NEGR1: variants seen among roughly 807,000 people sequenced by gnomAD.
NEGR1 encodes neuronal growth regulator 1, also known as IgLON family member 4.
In NEGR1, 10 loss-of-function variants were observed where a neutral mutation model predicts 40.9. The observed-to-expected ratio is 0.24, with a 90% CI of 0.15 to 0.42. The LOEUF is 0.42. NEGR1 is among the 10% of genes least tolerant of loss of function. The pLI is 1.00. For synonymous variants in NEGR1, 185 were observed against 166.8 expected (o/e 1.11, Z -0.84); for missense variants, 352 against 438.9 (o/e 0.80, Z 1.77).
At chr1:72,062,330 C>T (rs776454292) in intron 1 of NEGR1, among the ~76,000 whole-genome samples, 7 of 151,886 alleles carry the variant, frequency 4.6e-5, no homozygotes, top group Non-Finnish European at 7.4e-5. Context: ...ATTAATCACT[C>T]CTCATTCTAA....
At chr1:72,274,603 T>C (rs1655973503) in intron 1 of NEGR1, 1 of 787,944 alleles carries the variant, frequency 1.3e-6, no homozygotes, top group Admixed American at 1.7e-5. Context: ...CCCATACCTT[T>C]AACCACTCTA....
intron 1 of NEGR1, among the ~76,000 whole-genome samples, chr1:72,033,484 C>T (rs1218246854): frequency 6.6e-6 from 1 of 152,098 alleles, no homozygotes; most frequent in African/African-American, 2.4e-5. Context: ...TATGTATTTC[C>T]ATAAACGATG....
At chr1:71,475,761 T>G (rs962739387) in intron 6 of NEGR1, among the ~76,000 whole-genome samples, 1 of 152,138 alleles carries the variant, frequency 6.6e-6, no homozygotes, top group South Asian at 2.1e-4. Flanking sequence ...AGCTTAAAAT[T>G]TAGGTCAATT....
rs555240003 is a variant in NEGR1 at position 72,218,606 on chromosome 1, T to C, written c.176+63713A>G. 8.5e-5 allele frequency among the ~76,000 whole-genome samples: 13 copies of C among 152,110 alleles called. No individual in the cohort carries two copies. The South Asian group carries it at 2.7e-3, about 32-fold the overall frequency. On this transcript the variant is annotated intron_variant, in intron 1 of 6. Coordinates refer to ENST00000357731, the MANE Select transcript of NEGR1 (RefSeq NM_173808.3). ...CAATGAATATATGTTTCTTGAGTTA[T>C]AGGGAGTTGTTTTTTTTTCCTATGA...
intron 1 of NEGR1, among the ~76,000 whole-genome samples, chr1:72,247,979 C>T (rs1330478035): frequency 3.9e-5 from 6 of 152,002 alleles, no homozygotes; most frequent in Non-Finnish European, 8.8e-5. Flanking sequence ...AGGTGCATCA[C>T]GTGGTGAAAG....
chr1:71,953,766 G>T (rs552530696), intron 1 of NEGR1, among the ~76,000 whole-genome samples: 1 of 152,124 alleles, frequency 6.6e-6, no homozygotes, highest in East Asian at 1.9e-4. Context: ...CAAAGGACTT[G>T]TTGAAGGCTC....
chr1:72,158,207 C>A (rs1651431579), intron 1 of NEGR1, among the ~76,000 whole-genome samples: 1 of 152,126 alleles, frequency 6.6e-6, no homozygotes, highest in South Asian at 2.1e-4. Context: ...GGGCAGGTAA[C>A]TTGTCTGAAA....
At chr1:71,835,807 G>T (rs981059279) in intron 2 of NEGR1, among the ~76,000 whole-genome samples, 6 of 152,054 alleles carry the variant, frequency 3.9e-5, no homozygotes, top group African/African-American at 1.4e-4. Context: ...GTGCTAGGAG[G>T]TTTATCACTT....
At chr1:71,501,476 G>A (rs1244054275) in intron 6 of NEGR1, among the ~76,000 whole-genome samples, 1 of 152,080 alleles carries the variant, frequency 6.6e-6, no homozygotes, top group Non-Finnish European at 1.5e-5. Flanking sequence ...GTCCTGAATT[G>A]GGAAATGTTA....
chr1:71,448,410 C>T (rs1273959199), intron 6 of NEGR1, among the ~76,000 whole-genome samples: 1 of 152,048 alleles, frequency 6.6e-6, no homozygotes, highest in African/African-American at 2.4e-5. Context: ...ACCAGCCTGG[C>T]CAAGATGGCA....
At chr1:72,228,912 G>C (rs1288047402) in intron 1 of NEGR1, among the ~76,000 whole-genome samples, 1 of 152,054 alleles carries the variant, frequency 6.6e-6, no homozygotes, top group Non-Finnish European at 1.5e-5. Flanking sequence ...CATTTTCCTA[G>C]GAATACTGCT....
At chr1:71,937,962 C>A (rs910683427) in intron 1 of NEGR1, among the ~76,000 whole-genome samples, 10 of 151,898 alleles carry the variant, frequency 6.6e-5, no homozygotes, top group Admixed American at 6.6e-4. Context: ...TCAATTCTGG[C>A]ATGACATGGG....
chr1:71,481,557 C>T (rs1039322900), intron 6 of NEGR1, among the ~76,000 whole-genome samples: 1 of 151,818 alleles, frequency 6.6e-6, no homozygotes, highest in Non-Finnish European at 1.5e-5. Context: ...AATTCTTGAG[C>T]CAATTGGTGT....
At chr1:71,675,126 T>TATATATATATATATATATAC (rs145354058) in intron 4 of NEGR1, among the ~76,000 whole-genome samples, 62 of 77,820 alleles carry the variant, frequency 8.0e-4, no homozygotes, top group African/African-American at 2.3e-3. Context: ...TATATATATA[T>TATATATATATATATATATAC]ACACACACAC....
chr1:72,122,528 G>A (rs992566370), intron 1 of NEGR1, among the ~76,000 whole-genome samples: 13 of 151,836 alleles, frequency 8.6e-5, no homozygotes, highest in Non-Finnish European at 1.8e-4. Flanking sequence ...TGTGATATAT[G>A]TGTATATATG....
chr1:72,231,364 G>T lies in NEGR1; in HGVS notation c.176+50955C>A, dbSNP rs557969321. On this transcript the variant is annotated intron_variant, in intron 1 of 6. Transcript: ENST00000357731. ...ACAAACTCTGAATCAAGAATGCCTG[G>T]ATATGAACCTTACTCCACCATTCAA... Among the ~76,000 whole-genome samples, 3 of 152,016 alleles carry T rather than the reference G, an allele frequency of 2.0e-5. No individual in the cohort carries two copies. The South Asian group carries it at 6.2e-4, about 31-fold the overall frequency.
chr1:72,120,044 C>A (rs752492881), intron 1 of NEGR1, among the ~76,000 whole-genome samples: 1 of 151,830 alleles, frequency 6.6e-6, no homozygotes, highest in Non-Finnish European at 1.5e-5. Flanking sequence ...AAGGTCAGAA[C>A]CTTTTGGGTT....
At chr1:71,454,686 G>A (rs2101334063) in intron 6 of NEGR1, among the ~76,000 whole-genome samples, 1 of 152,238 alleles carries the variant, frequency 6.6e-6, no homozygotes, top group Admixed American at 6.5e-5. Context: ...CCAGCTTCAG[G>A]TTTTGGCTCC....
At chr1:71,759,046 T>C (rs1313736114) in intron 3 of NEGR1, among the ~76,000 whole-genome samples, 3 of 152,138 alleles carry the variant, frequency 2.0e-5, no homozygotes, top group African/African-American at 7.2e-5. Flanking sequence ...GAATACTAGT[T>C]ACTATGTGCT....
Sources: gnomAD v4.1 joint callset for allele counts (sites outside exome capture counted in the v4.1 genomes callset) on GRCh38, gnomAD v4.1.1 for gene constraint, MANE v1.5 for transcripts, NCBI Gene and HGNC (gene_info 2026-07-23, HGNC 2026-07-21) for gene names.